CCDC57: variants seen among roughly 807,000 people sequenced by gnomAD.
CCDC57 encodes coiled-coil domain containing 57.
Under a neutral mutation model 118.9 loss-of-function variants are expected in CCDC57, and 118 were observed. That is an observed-to-expected ratio of 0.99 (90% CI 0.86 to 1.16). The LOEUF is 1.16. CCDC57 is among the 50% of genes most tolerant of loss of function. The probability of loss-of-function intolerance (pLI) is 0.00; values close to 1 mark genes in which losing one functional copy is unlikely to be tolerated. For synonymous variants in CCDC57, 527 were observed against 532.9 expected, an observed-to-expected ratio of 0.99 and a Z score of 0.15; for missense variants, 1,300 against 1,320.7, an observed-to-expected ratio of 0.98 and a Z score of 0.24.
chr17:82,145,542 C>CA lies in CCDC57; in HGVS notation c.2455+6017dup, dbSNP rs1295708627. 4.6e-3 allele frequency among the ~76,000 whole-genome samples: 657 copies of CA among 143,916 alleles called. 2 individuals are homozygous for CA. Among genetic ancestry groups the CA allele is most frequent in the African/African-American group, 4.9e-3 (195 of 39,468 alleles). The allele number at this position is 143,916 out of a possible 152,430, so 94.4% of individuals were successfully genotyped here. ...AGCCTTGGCAACAGAGATTCTGTCT[C>CA]AAAAAAAAAAAGTTAGCTATCATAA... On this transcript the variant is annotated intron_variant, in intron 16 of 19. Coordinates refer to ENST00000665763, the Ensembl canonical transcript of CCDC57.
At chr17:82,199,171 T>C (rs556164864) in intron 3 of CCDC57, among the ~76,000 whole-genome samples, 1 of 151,306 alleles carries the variant, frequency 6.6e-6, no homozygotes, top group South Asian at 2.1e-4. Flanking sequence ...GAAAAACAAA[T>C]CTCAGCAAAG....
At chr17:82,187,773 G>T (rs2047149024) in intron 8 of CCDC57, among the ~76,000 whole-genome samples, 1 of 119,342 alleles carries the variant, frequency 8.4e-6, no homozygotes, top group South Asian at 3.1e-4. Flanking sequence ...TGGCAGGAGT[G>T]GGGCAGGGAG....
At chr17:82,115,528 A>G (rs1341139901) in intron 19 of CCDC57, among the ~76,000 whole-genome samples, 2 of 152,000 alleles carry the variant, frequency 1.3e-5, no homozygotes, top group East Asian at 3.9e-4. Context: ...CCCAGCGCTT[A>G]GGGAGGCTGA....
chr17:82,151,145 CCGCACCTAGAACCAGGCG>C (rs1428882566), intron 16 of CCDC57, among the ~76,000 whole-genome samples: 27 of 116,400 alleles, frequency 2.3e-4, no homozygotes, highest in Admixed American at 3.9e-4. Flanking sequence ...AGAACCTGAC[CCGCACCTAGAACCAGGCG>C]CACACCCAGA....
At chr17:82,130,065 A>T (rs775101416) in intron 17 of CCDC57, among the ~76,000 whole-genome samples, 1 of 151,900 alleles carries the variant, frequency 6.6e-6, no homozygotes, top group Non-Finnish European at 1.5e-5. Flanking sequence ...GACAGGTGTG[A>T]TGGCACACAC....
At chr17:82,189,247 G>T (rs2047354736) in intron 7 of CCDC57, among the ~76,000 whole-genome samples, 1 of 152,088 alleles carries the variant, frequency 6.6e-6, no homozygotes, top group South Asian at 2.1e-4. Flanking sequence ...CAGCCTGAGT[G>T]ACACAGTGAG....
chr17:82,113,690 T>C (rs1445489570), intron 19 of CCDC57: 1 of 715,378 alleles, frequency 1.4e-6, no homozygotes, highest in South Asian at 1.5e-5. Context: ...CTCAGCACTT[T>C]GGGAGGCCAA....
At chr17:82,112,541 C>A (rs1431394727) in intron 19 of CCDC57, 5 of 152,314 alleles carry the variant, frequency 3.3e-5, no homozygotes, top group Admixed American at 3.3e-4. Flanking sequence ...GTCCTCAGTA[C>A]AGACTCAAGA....
exon 8 of CCDC57, chr17:82,188,358 C>A: frequency 6.2e-7 from 1 of 1,611,098 alleles, no homozygotes; most frequent in Non-Finnish European, 8.5e-7. Context: ...TCCACGTGGG[C>A]TCCCTTCACC....
At chr17:82,129,526 C>T (rs1230753346) in intron 17 of CCDC57, among the ~76,000 whole-genome samples, 1 of 152,150 alleles carries the variant, frequency 6.6e-6, no homozygotes, top group African/African-American at 2.4e-5. Flanking sequence ...CCATGTTTAC[C>T]AACGTTTGCC....
intron 2 of CCDC57, among the ~76,000 whole-genome samples, chr17:82,205,630 T>A (rs2049530745): frequency 6.6e-6 from 1 of 152,146 alleles, no homozygotes; most frequent in Non-Finnish European, 1.5e-5. Flanking sequence ...GTCTCAGGAC[T>A]CAGCGGGTCA....
intron 5 of CCDC57, among the ~76,000 whole-genome samples, chr17:82,194,590 G>A (rs148028101): frequency 6.6e-6 from 1 of 152,252 alleles, no homozygotes; most frequent in African/African-American, 2.4e-5. Flanking sequence ...GATTACAGGT[G>A]TGAGCCACCG....
chr17:82,156,658 T>C (rs1438478287), intron 15 of CCDC57: 2 of 152,254 alleles, frequency 1.3e-5, no homozygotes, highest in East Asian at 3.9e-4. Context: ...GCTCAATATC[T>C]TACCGACCAG....
chr17:82,154,820 G>A (rs1238120063), intron 15 of CCDC57: 4 of 149,588 alleles, frequency 2.7e-5, no homozygotes, highest in Non-Finnish European at 4.4e-5. Context: ...CCCACGTGGC[G>A]TTTCTACAGA....
At position 82,192,655 on chromosome 17, in the gene CCDC57, CTAGG is replaced by C. The variant is rs1483315327; in HGVS notation, c.851+1097_851+1100del. Among the ~76,000 whole-genome samples the C allele has an allele frequency of 7.9e-5, 12 of 152,198 alleles. No homozygotes were observed. The highest frequency in any genetic ancestry group is 2.2e-4 in the African/African-American group (9 of 41,452). On this transcript the variant is annotated intron_variant, in intron 7 of 19. Transcript: ENST00000665763. This position sits in a 1 kb window ranked among gnomAD's most constrained non-coding sequence, Gnocchi z 4.0. ...GGCTCGACTGCCTCGGTTTCCTCATCTAGGTAGAGAACCCGGATGGGTGCCCTCA... is the reference window on the plus strand; with the variant it reads ...GGCTCGACTGCCTCGGTTTCCTCATCTAGAGAACCCGGATGGGTGCCCTCA...
At chr17:82,116,780 C>T (rs1213195334) in intron 19 of CCDC57, among the ~76,000 whole-genome samples, 1 of 152,192 alleles carries the variant, frequency 6.6e-6, no homozygotes, top group East Asian at 1.9e-4. Context: ...TCAACAAATA[C>T]TCGAGGAAAA....
Position 82,106,902 on chromosome 17 carries a change from A to G in CCDC57, c.2900-5036T>C, listed in dbSNP as rs540519736. On this transcript the variant is annotated intron_variant, in intron 19 of 19. Transcript: ENST00000665763. ...CTTCCCAGGTCTGCCAGGCCAGCTT[A>G]CAGCTCCAGGTGGGCACCCTAGCAT... Among the ~76,000 whole-genome samples, 11 of 152,314 alleles carry G rather than the reference A, an allele frequency of 7.2e-5. No individual in the cohort carries two copies. The South Asian group carries it at 2.1e-3, about 29-fold the overall frequency.
chr17:82,111,409 T>C (rs2035233759), intron 19 of CCDC57, among the ~76,000 whole-genome samples: 1 of 147,308 alleles, frequency 6.8e-6, no homozygotes, highest in Non-Finnish European at 1.5e-5. Flanking sequence ...GAGGCTGTCT[T>C]GCTCTGTCGC....
In CCDC57 at chr17:82,195,248, G is replaced by C. The variant is rs543715383; in HGVS notation, c.618+15C>G. 8 of 1,567,824 alleles carry C rather than the reference G, an allele frequency of 5.1e-6. No homozygotes were observed. The highest frequency in any genetic ancestry group is 1.7e-4 in the Middle Eastern group (1 of 6,016). ...AACCGAAAAACCTTCACGACCCAAG[G>C]GTGCCCCCAGTTACCTTAAGCTCCC... On this transcript the variant is annotated intron_variant, in intron 5 of 19. Transcript: ENST00000665763.
Sources: gnomAD v4.1 joint callset for allele counts (sites outside exome capture counted in the v4.1 genomes callset) on GRCh38, gnomAD v4.1.1 for gene constraint, Gnocchi (gnomAD v3.1) non-coding constraint, MANE v1.5 for transcripts, NCBI Gene and HGNC (gene_info 2026-07-23, HGNC 2026-07-21) for gene names.